CDH13: variants seen among roughly 807,000 people sequenced by gnomAD.
CDH13 encodes the protein cadherin-13.
A neutral mutation model predicts 63.8 loss-of-function variants in CDH13; 24 were observed. That is an observed-to-expected ratio of 0.38 (90% CI 0.27 to 0.53). CDH13 has a LOEUF of 0.53. Among genes scored for constraint, CDH13 ranks in the 20% least tolerant of loss-of-function variants. The pLI is 0.85. For synonymous variants in CDH13, 503 were observed against 355.3 expected (o/e 1.42, Z -4.67); for missense variants, 1,049 against 903.1 (o/e 1.16, Z -2.07).
chr16:82,670,704 A>G (rs1337228723), intron 1 of CDH13, among the ~76,000 whole-genome samples: 2 of 152,246 alleles, frequency 1.3e-5, no homozygotes, highest in Non-Finnish European at 2.9e-5. Flanking sequence ...TGAAACTTAT[A>G]GACACATCCA....
At chr16:82,819,258 C>T (rs558517127) in intron 1 of CDH13, among the ~76,000 whole-genome samples, 17 of 152,292 alleles carry the variant, frequency 1.1e-4, no homozygotes, top group African/African-American at 3.6e-4. Context: ...TTTTAGCCTG[C>T]TAAGCATGAA....
At chr16:83,501,819 C>G (rs1031578307) in intron 7 of CDH13, among the ~76,000 whole-genome samples, 1 of 152,210 alleles carries the variant, frequency 6.6e-6, no homozygotes, top group Non-Finnish European at 1.5e-5. Flanking sequence ...ACAACTTTAT[C>G]TTTTATCAGA....
At chr16:83,461,517 A>C (rs2073181507) in intron 6 of CDH13, among the ~76,000 whole-genome samples, 1 of 151,712 alleles carries the variant, frequency 6.6e-6, no homozygotes, top group South Asian at 2.1e-4. Context: ...TTGAGGTGAG[A>C]CCCCCGCCTT....
intron 2 of CDH13, among the ~76,000 whole-genome samples, chr16:82,967,424 T>A (rs1210588583): frequency 6.6e-6 from 1 of 152,216 alleles, no homozygotes; most frequent in African/African-American, 2.4e-5. Context: ...AGCTCATACC[T>A]GGTTCGTATT....
chr16:82,742,451 G>T (rs1023329201), intron 1 of CDH13, among the ~76,000 whole-genome samples: 1 of 152,074 alleles, frequency 6.6e-6, no homozygotes, highest in African/African-American at 2.4e-5. Flanking sequence ...CTGGGCTTGT[G>T]TGAGCTCTAA....
intron 1 of CDH13, among the ~76,000 whole-genome samples, chr16:82,686,426 G>T (rs1355865591): frequency 1.3e-5 from 2 of 152,176 alleles, no homozygotes; most frequent in Non-Finnish European, 2.9e-5. Context: ...TCCCTTGTGT[G>T]ATTGGTTACT....
intron 7 of CDH13, among the ~76,000 whole-genome samples, chr16:83,550,902 C>A (rs2075478294): frequency 6.6e-6 from 1 of 152,138 alleles, no homozygotes; most frequent in African/African-American, 2.4e-5. Flanking sequence ...CTCCCTCTCT[C>A]TTCCCCACCA....
intron 2 of CDH13, among the ~76,000 whole-genome samples, chr16:82,991,305 C>T (rs1404586166): frequency 3.9e-5 from 6 of 152,144 alleles, no homozygotes; most frequent in African/African-American, 1.2e-4. Flanking sequence ...TGCTGAAAGG[C>T]AAATTTAAGG....
chr16:83,042,630 A>C (rs1156996298), intron 3 of CDH13, among the ~76,000 whole-genome samples: 1 of 152,188 alleles, frequency 6.6e-6, no homozygotes, highest in Admixed American at 6.5e-5. Context: ...AGTCCATGGA[A>C]AAATTGTCTT....
chr16:83,368,919 T>G (rs1386368144), intron 6 of CDH13, among the ~76,000 whole-genome samples: 1 of 84,442 alleles, frequency 1.2e-5, no homozygotes, highest in African/African-American at 8.2e-5. Flanking sequence ...TATATATATA[T>G]ATATATATAT....
At chr16:83,269,289 G>C (rs1479037632) in intron 5 of CDH13, among the ~76,000 whole-genome samples, 1 of 152,128 alleles carries the variant, frequency 6.6e-6, no homozygotes, top group Non-Finnish European at 1.5e-5. Context: ...GACCTAAAGT[G>C]GGGGGCAGAT....
chr16:83,004,238 A>G (rs550171926), intron 2 of CDH13, among the ~76,000 whole-genome samples: 29 of 152,214 alleles, frequency 1.9e-4, no homozygotes, highest in African/African-American at 6.7e-4. Context: ...AGGGATAAAG[A>G]TAGGGAAGCA....
chr16:83,365,713 G>A (rs1042517967), intron 6 of CDH13, among the ~76,000 whole-genome samples: 11 of 152,220 alleles, frequency 7.2e-5, no homozygotes, highest in Admixed American at 2.6e-4. Context: ...AGAGAGTGAA[G>A]AAGAGAGATG....
intron 7 of CDH13, among the ~76,000 whole-genome samples, chr16:83,573,310 G>T (rs1268606064): frequency 6.6e-6 from 1 of 152,138 alleles, no homozygotes; most frequent in African/African-American, 2.4e-5. Flanking sequence ...GTTTAGTACT[G>T]GTGGGTGTGG....
At chr16:83,172,423 G>T (rs1031821807) in intron 4 of CDH13, among the ~76,000 whole-genome samples, 1 of 151,928 alleles carries the variant, frequency 6.6e-6, no homozygotes, top group Non-Finnish European at 1.5e-5. Context: ...CCCCAGAGGC[G>T]GAGGTTGCAG....
At chr16:83,368,066 G>A (rs530014296) in intron 6 of CDH13, among the ~76,000 whole-genome samples, 1 of 152,088 alleles carries the variant, frequency 6.6e-6, no homozygotes, top group Non-Finnish European at 1.5e-5. Flanking sequence ...AATTTCTTAT[G>A]TGGATTATTC....
chr16:82,694,583 C>A (rs1297468294), intron 1 of CDH13, among the ~76,000 whole-genome samples: 1 of 152,178 alleles, frequency 6.6e-6, no homozygotes, highest in African/African-American at 2.4e-5. Flanking sequence ...CATTCCCAAT[C>A]ATCTTCTAAA....
intron 1 of CDH13, among the ~76,000 whole-genome samples, chr16:82,814,184 C>G (rs1024057147): frequency 5.3e-5 from 8 of 152,100 alleles, no homozygotes; most frequent in African/African-American, 1.4e-4. Flanking sequence ...AACCCAGTTC[C>G]TGGCAGACAG....
intron 6 of CDH13, among the ~76,000 whole-genome samples, chr16:83,417,535 C>T (rs191750100): frequency 6.6e-6 from 1 of 152,302 alleles, no homozygotes; most frequent in Non-Finnish European, 1.5e-5. Context: ...ACTGACACCT[C>T]AGTTGCCATT....
Sources: gnomAD v4.1 joint callset for allele counts (sites outside exome capture counted in the v4.1 genomes callset) on GRCh38, gnomAD v4.1.1 for gene constraint, MANE v1.5 for transcripts, NCBI Gene and HGNC (gene_info 2026-07-23, HGNC 2026-07-21) for gene names.